Variants in RALA observed in about 807,000 individuals in gnomAD.
The protein encoded by RALA is RAS like proto-oncogene A.
A neutral mutation model predicts 24.0 loss-of-function variants in RALA; 5 were observed. The observed-to-expected ratio is 0.21, with a 90% CI of 0.11 to 0.44. The LOEUF (loss-of-function observed/expected upper bound fraction) is 0.44. RALA is among the 20% of genes least tolerant of loss of function. The pLI is 0.99. For missense variants in RALA, 95 were observed against 241.2 expected (o/e 0.39, Z 4.01); for synonymous variants, 77 against 83.8 (o/e 0.92, Z 0.44).
chr7:39,688,654 A>C (rs1005191817), intron 2 of RALA, among the ~76,000 whole-genome samples: 3 of 150,602 alleles, frequency 2.0e-5, no homozygotes, highest in Admixed American at 1.3e-4. Flanking sequence ...GCTCACTGCA[A>C]CCTCCACCTC....
chr7:39,626,657 C>T (rs1257739792), intron 1 of RALA, among the ~76,000 whole-genome samples: 1 of 152,120 alleles, frequency 6.6e-6, no homozygotes, highest in African/African-American at 2.4e-5. Flanking sequence ...GCATTTTTCC[C>T]GTGGGTGTCC....
At chr7:39,653,009 G>C (rs1353759243) in intron 1 of RALA, among the ~76,000 whole-genome samples, 1 of 148,756 alleles carries the variant, frequency 6.7e-6, no homozygotes, top group Admixed American at 6.8e-5. Flanking sequence ...TGTTAGCCAG[G>C]CTGGTCTCAA....
intron 1 of RALA, among the ~76,000 whole-genome samples, chr7:39,644,574 A>T (rs1434665158): frequency 2.0e-5 from 3 of 152,212 alleles, no homozygotes; most frequent in Non-Finnish European, 4.4e-5. Flanking sequence ...ATAAAAGAAT[A>T]AGATTGCATT....
intron 1 of RALA, among the ~76,000 whole-genome samples, chr7:39,635,514 C>A (rs992162384): frequency 1.3e-5 from 2 of 152,118 alleles, no homozygotes; most frequent in African/African-American, 4.8e-5. Flanking sequence ...TTCTTCTGCC[C>A]CTCAGCCCCT....
At chr7:39,693,059 C>T (rs1792851742) in intron 3 of RALA, among the ~76,000 whole-genome samples, 1 of 152,178 alleles carries the variant, frequency 6.6e-6, no homozygotes, top group Non-Finnish European at 1.5e-5. Flanking sequence ...CCAGCGATCC[C>T]ATTACTGGGT....
Position 39,690,509 on chromosome 7 carries a change from A to G in RALA, c.242A>G (p.Asn81Ser), listed in dbSNP as rs1174857880. The change falls in exon 3 of 5, where the codon AAC (asparagine) becomes AGC (serine). Residue 81 changes from asparagine to serine, a missense_variant. Physicochemically the swap from Asn to Ser is conservative, Grantham distance 46. Coordinates refer to ENST00000005257, the MANE Select transcript of RALA (RefSeq NM_005402.4). Reference protein sequence around the residue: ...GQEDYAAIRDNYFRSGEGFLC... With the variant: ...GQEDYAAIRDSYFRSGEGFLC... ...GAGGACTACGCTGCAATTAGAGACA[A>G]CTACTTCCGAAGTGGGGAGGGGTTC... 1 of 1,613,998 alleles carries G rather than the reference A, an allele frequency of 6.2e-7. No homozygotes were observed. The highest frequency in any genetic ancestry group is 8.5e-7 in the Non-Finnish European group (1 of 1,179,902).
intron 2 of RALA, among the ~76,000 whole-genome samples, chr7:39,689,707 AG>A (rs1362987829): frequency 6.6e-6 from 1 of 152,234 alleles, no homozygotes; most frequent in Non-Finnish European, 1.5e-5. Context: ...ATTTGAGCCC[AG>A]GAGTTCAAGA....
intron 1 of RALA, among the ~76,000 whole-genome samples, chr7:39,657,794 T>A (rs966656800): frequency 8.5e-5 from 13 of 152,212 alleles, no homozygotes; most frequent in African/African-American, 3.1e-4. Flanking sequence ...AATGCTACAA[T>A]TCTGCTTCCA....
chr7:39,626,151 A>G (rs1404083067), intron 1 of RALA, among the ~76,000 whole-genome samples: 1 of 152,210 alleles, frequency 6.6e-6, no homozygotes, highest in Non-Finnish European at 1.5e-5. Flanking sequence ...TGACATTACC[A>G]CTATACAGAG....
At chr7:39,670,515 T>C (rs1250365034) in intron 1 of RALA, among the ~76,000 whole-genome samples, 1 of 152,242 alleles carries the variant, frequency 6.6e-6, no homozygotes, top group Admixed American at 6.5e-5. Context: ...ATGTATTTAA[T>C]TTCCAAATAT....
chr7:39,667,399 T>C (rs1792303468), intron 1 of RALA, among the ~76,000 whole-genome samples: 1 of 152,156 alleles, frequency 6.6e-6, no homozygotes, highest in Non-Finnish European at 1.5e-5. Flanking sequence ...GTAATAGCAC[T>C]GAGAATGAGA....
At chr7:39,646,379 A>G (rs1791922623) in intron 1 of RALA, among the ~76,000 whole-genome samples, 2 of 152,204 alleles carry the variant, frequency 1.3e-5, no homozygotes, top group Admixed American at 6.5e-5. Context: ...TCACACCTGT[A>G]ATCTTAGCAC....
intron 1 of RALA, among the ~76,000 whole-genome samples, chr7:39,632,470 T>C (rs568275710): frequency 1.3e-5 from 2 of 152,342 alleles, no homozygotes; most frequent in South Asian, 2.1e-4. Context: ...AGTTTGGCTA[T>C]GTATATACCT....
chr7:39,645,511 T>G (rs1791910373), intron 1 of RALA, among the ~76,000 whole-genome samples: 1 of 152,208 alleles, frequency 6.6e-6, no homozygotes, highest in Non-Finnish European at 1.5e-5. Flanking sequence ...AATTATAGTT[T>G]GTTTTTCCTT....
intron 4 of RALA, chr7:39,703,368 T>G (rs7776621): frequency 6.6e-6 from 1 of 152,058 alleles, no homozygotes; most frequent in African/African-American, 2.4e-5. Flanking sequence ...TATGTCATCA[T>G]TGTGTTCCGT....
intron 4 of RALA, among the ~76,000 whole-genome samples, chr7:39,704,143 G>C (rs541381283): frequency 5.1e-5 from 7 of 136,280 alleles, no homozygotes; most frequent in South Asian, 5.0e-4. Flanking sequence ...TCCAGCCTGG[G>C]CAACAGAGAC....
chr7:39,689,288 C>G (rs1792772780), intron 2 of RALA, among the ~76,000 whole-genome samples: 1 of 152,184 alleles, frequency 6.6e-6, no homozygotes, highest in Admixed American at 6.5e-5. Context: ...CCACCACACC[C>G]AGCCCACATG....
intron 1 of RALA, among the ~76,000 whole-genome samples, chr7:39,678,115 G>A (rs560876688): frequency 4.0e-5 from 6 of 150,828 alleles, no homozygotes; most frequent in African/African-American, 1.5e-4. Context: ...AGTGGGTGCA[G>A]CGCACCAGCA....
At chr7:39,647,537 ATTG>A (rs1791947107) in intron 1 of RALA, among the ~76,000 whole-genome samples, 1 of 152,146 alleles carries the variant, frequency 6.6e-6, no homozygotes, top group South Asian at 2.1e-4. Flanking sequence ...ATTCCAGCTT[ATTG>A]TTGTGTGATC....
Sources: allele counts gnomAD v4.1 joint callset (sites outside exome capture counted in the v4.1 genomes callset), GRCh38; gene constraint gnomAD v4.1.1; transcripts MANE v1.5; gene names NCBI Gene and HGNC (gene_info 2026-07-23, HGNC 2026-07-21).